Variants in GALNT10 observed in about 807,000 individuals in gnomAD.
GALNT10 encodes GalNAc transferase 10.
Under a neutral mutation model 75.0 loss-of-function variants are expected in GALNT10, and 41 were observed. The observed-to-expected ratio is 0.55, with a 90% CI of 0.43 to 0.71. The LOEUF (loss-of-function observed/expected upper bound fraction) is 0.71. GALNT10 is among the 30% of genes least tolerant of loss of function. GALNT10 has a pLI of 0.00. For synonymous variants in GALNT10, 302 were observed against 313.0 expected, an observed-to-expected ratio of 0.96 and a Z score of 0.37; for missense variants, 727 against 818.5, an observed-to-expected ratio of 0.89 and a Z score of 1.36.
At chr5:154,244,000 A>G (rs1215472788) in intron 1 of GALNT10, among the ~76,000 whole-genome samples, 1 of 152,244 alleles carries the variant, frequency 6.6e-6, no homozygotes, top group African/African-American at 2.4e-5. Flanking sequence ...ACAGGGAGGA[A>G]GCTTGCCCTG....
Position 154,279,845 on chromosome 5 carries a change from A to G in GALNT10, c.160-14971A>G, listed in dbSNP as rs577840444. On this transcript the variant is annotated intron_variant, in intron 1 of 11. Coordinates refer to ENST00000297107, the MANE Select transcript of GALNT10 (RefSeq NM_198321.4). ...ATTCTGAATATGTCCTTAATCAAAT[A>G]CGTGTTTTATGCAGTATGGAAGTTC... Among the ~76,000 whole-genome samples, 24 of 152,274 alleles carry G rather than the reference A, an allele frequency of 1.6e-4. 1 individual carries two copies. The South Asian group carries it at 5.0e-3, about 32-fold the overall frequency.
At position 154,416,582 on chromosome 5, in the gene GALNT10, G is replaced by A. The variant is rs763772754; in HGVS notation, c.1654-232G>A. ...TCTAGGTCCCAGGCCTGGAAGCTGC[G>A]TGCATCACTTCTGGCCACATCCCAG... On this transcript the variant is annotated intron_variant, in intron 11 of 11. Coordinates refer to ENST00000297107, the MANE Select transcript of GALNT10 (RefSeq NM_198321.4). The surrounding 1 kb of genome is among the most constrained non-coding windows in gnomAD (Gnocchi z 4.5). 1.1e-4 allele frequency among the ~76,000 whole-genome samples: 17 copies of A among 151,714 alleles called. No homozygotes were observed. The highest frequency in any genetic ancestry group is 3.4e-4 in the African/African-American group (14 of 41,302).
rs757748797 is a variant in GALNT10, at chr5:154,329,702, G to A, written c.532G>A (p.Ala178Thr). Residue 178 changes from alanine (A) to threonine (T), a missense_variant, in exon 4 of 12, where the codon GCC (alanine) becomes ACC (threonine). Transcript: ENST00000297107. Reference protein sequence around the residue: ...VLNRSPPELVAEIVLVDDFSD... With the variant: ...VLNRSPPELVTEIVLVDDFSD... Reference sequence around the variant, plus strand: ...CAATCGCTCGCCTCCAGAGCTGGTCGCCGAGATTGTACTGGTCGACGACTT... The same window carrying A: ...CAATCGCTCGCCTCCAGAGCTGGTCACCGAGATTGTACTGGTCGACGACTT... The A allele has an allele frequency of 2.5e-6, 4 of 1,613,568 alleles. No homozygotes were observed. The highest frequency in any genetic ancestry group is 2.2e-5 in the East Asian group (1 of 44,878).
chr5:154,247,723 G>A (rs1266318753), intron 1 of GALNT10, among the ~76,000 whole-genome samples: 2 of 152,256 alleles, frequency 1.3e-5, no homozygotes, highest in East Asian at 3.9e-4. Context: ...CTGAGACGAT[G>A]GGGTTTTCTA....
At chr5:154,204,350 C>T (rs1775073599) in intron 1 of GALNT10, among the ~76,000 whole-genome samples, 1 of 152,220 alleles carries the variant, frequency 6.6e-6, no homozygotes, top group Non-Finnish European at 1.5e-5. Flanking sequence ...CACCTGGATT[C>T]CTGCCACAGC....
chr5:154,402,156 T>C lies in GALNT10; in HGVS notation c.1057-1948T>C, dbSNP rs116263335. On this transcript the variant is annotated intron_variant, in intron 7 of 11. Transcript: ENST00000297107. This position sits in a 1 kb window ranked among gnomAD's most constrained non-coding sequence, Gnocchi z 4.2. ...TTGTGTGTCTCCCTCACTGAAGACCTTCTGTGAAGACTCCTTGTTCTGCCC... is the reference window on the plus strand; with the variant it reads ...TTGTGTGTCTCCCTCACTGAAGACCCTCTGTGAAGACTCCTTGTTCTGCCC... 3.2e-3 allele frequency among the ~76,000 whole-genome samples: 482 copies of C among 152,336 alleles called. 3 individuals carry two copies. The highest frequency in any genetic ancestry group is 0.011 in the African/African-American group (452 of 41,582).
intron 4 of GALNT10, among the ~76,000 whole-genome samples, chr5:154,333,099 G>A (rs1234327231): frequency 6.6e-6 from 1 of 152,204 alleles, no homozygotes. Context: ...GGCACATGTG[G>A]GGTTCAGGTG....
intron 4 of GALNT10, among the ~76,000 whole-genome samples, chr5:154,345,026 G>A (rs528244778): frequency 2.6e-5 from 4 of 152,290 alleles, no homozygotes; most frequent in African/African-American, 9.6e-5. Context: ...CAGCAGAACT[G>A]TCCACGTGCT....
At chr5:154,224,687 T>C (rs1213168765) in intron 1 of GALNT10, among the ~76,000 whole-genome samples, 1 of 152,160 alleles carries the variant, frequency 6.6e-6, no homozygotes, top group Non-Finnish European at 1.5e-5. Context: ...TTATGGAGTA[T>C]CTAATATGTT....
At chr5:154,257,805 T>C (rs773815969) in intron 1 of GALNT10, among the ~76,000 whole-genome samples, 1 of 152,192 alleles carries the variant, frequency 6.6e-6, no homozygotes, top group Non-Finnish European at 1.5e-5. Flanking sequence ...TCTGACATCA[T>C]TAGGGAGTGA....
At chr5:154,218,041 C>T in intron 1 of GALNT10, 1 of 985,068 alleles carries the variant, frequency 1.0e-6, no homozygotes, top group Non-Finnish European at 1.2e-6. Context: ...CGCTTCCCCA[C>T]CCCAGCCTGG....
chr5:154,228,682 C>T (rs893183105), intron 1 of GALNT10, among the ~76,000 whole-genome samples: 3 of 152,188 alleles, frequency 2.0e-5, no homozygotes, highest in Non-Finnish European at 4.4e-5. Flanking sequence ...GTAAGGATGG[C>T]GGGAGTCCCA....
intron 4 of GALNT10, among the ~76,000 whole-genome samples, chr5:154,357,937 G>C (rs920767735): frequency 6.6e-6 from 1 of 152,206 alleles, no homozygotes; most frequent in Admixed American, 6.5e-5. Context: ...CTGCGTGGAA[G>C]AGAGGGCTTT....
At chr5:154,363,238 G>A (rs182704169) in intron 4 of GALNT10, among the ~76,000 whole-genome samples, 15 of 152,058 alleles carry the variant, frequency 9.9e-5, no homozygotes, top group African/African-American at 2.7e-4. Context: ...TGGTGGGTGT[G>A]ACTAGCACAG....
At chr5:154,250,188 C>T (rs1049695930) in intron 1 of GALNT10, among the ~76,000 whole-genome samples, 2 of 152,168 alleles carry the variant, frequency 1.3e-5, no homozygotes, top group African/African-American at 4.8e-5. Context: ...TTCTGTGGAA[C>T]TGGGAGATTG....
chr5:154,318,956 C>T (rs1226305080), intron 3 of GALNT10, among the ~76,000 whole-genome samples: 1 of 152,250 alleles, frequency 6.6e-6, no homozygotes, highest in Non-Finnish European at 1.5e-5. Flanking sequence ...TCCACCAACT[C>T]TCAGTTGCAA....
Position 154,416,475 on chromosome 5 carries a change from G to GCACACACACA in GALNT10, c.1654-335_1654-334insCACACACACA, listed in dbSNP as rs1554102724. Among the ~76,000 whole-genome samples the GCACACACACA allele has an allele frequency of 2.5e-5, 1 of 40,254 alleles. No homozygotes were observed. The highest frequency in any genetic ancestry group is 4.3e-5 in the Non-Finnish European group (1 of 23,384). The allele number at this position is 40,254 out of a possible 152,430, so 26.4% of individuals were successfully genotyped here. A position where few individuals can be genotyped will look rare whatever the true frequency, so the allele number is the denominator to read the frequency against. ...TAAAAAAATAAAAGATAAAAGGAAA[G>GCACACACACA]CACATACACACACACACACACACAC... On this transcript the variant is annotated intron_variant, in intron 11 of 11. Transcript: ENST00000297107. The surrounding 1 kb of genome is among the most constrained non-coding windows in gnomAD (Gnocchi z 4.5).
At chr5:154,233,154 A>G (rs1247739623) in intron 1 of GALNT10, among the ~76,000 whole-genome samples, 5 of 152,176 alleles carry the variant, frequency 3.3e-5, no homozygotes, top group African/African-American at 1.2e-4. Flanking sequence ...AATGGTTGGG[A>G]TGCTTAAAGG....
chr5:154,290,548 T>C (rs560763989), intron 1 of GALNT10, among the ~76,000 whole-genome samples: 1 of 152,292 alleles, frequency 6.6e-6, no homozygotes, highest in East Asian at 1.9e-4. Context: ...TTACAGTAGA[T>C]TCTTAAAATC....
Sources: gnomAD v4.1 joint callset for allele counts (sites outside exome capture counted in the v4.1 genomes callset) on GRCh38, gnomAD v4.1.1 for gene constraint, Gnocchi (gnomAD v3.1) non-coding constraint, MANE v1.5 for transcripts, NCBI Gene and HGNC (gene_info 2026-07-23, HGNC 2026-07-21) for gene names.